The following CRB1 variants were observed in gnomAD, a reference collection of about 807,000 sequenced individuals.
The protein encoded by CRB1 is crumbs cell polarity complex component 1.
Under a neutral mutation model 120.0 loss-of-function variants are expected in CRB1, and 83 were observed. The observed-to-expected ratio is 0.69, with a 90% confidence interval of 0.58 to 0.83. CRB1 has a LOEUF of 0.83. CRB1 is among the 40% of genes least tolerant of loss of function. The pLI, the probability that CRB1 is intolerant of heterozygous loss-of-function variation, is 0.00. For synonymous variants in CRB1, 625 were observed against 612.5 expected, an observed-to-expected ratio of 1.02 and a Z score of -0.30; for missense variants, 1,699 against 1,687.6, an observed-to-expected ratio of 1.01 and a Z score of -0.12.
chr1:197,442,379 C>A (rs763861253), intron 11 of CRB1, 87 bp downstream of exon 11: 1 of 1,608,472 alleles, frequency 6.2e-7, no homozygotes, highest in Non-Finnish European at 8.5e-7. Flanking sequence ...GTATGAATGA[C>A]GAGCCAGTTG....
At position 197,309,934 on chromosome 1, in the gene CRB1, G is replaced by T. The variant is rs181104081; in HGVS notation, c.71-18488G>T. Among the ~76,000 whole-genome samples, 112 of 152,192 alleles carry T rather than the reference G, an allele frequency of 7.4e-4. 1 individual carries two copies. In the East Asian group the frequency reaches 0.021, roughly 29 times the overall value. ...CTTCTAGCACAATGGACACCTGCTG[G>T]ACTAACAATATGTTTATACAAGGAA... On this transcript the variant is annotated intron_variant, in intron 1 of 11. Coordinates refer to ENST00000367400, the MANE Select transcript of CRB1 (RefSeq NM_201253.3).
chr1:197,274,101 C>G (rs1298712770), intron 1 of CRB1, among the ~76,000 whole-genome samples: 2 of 152,064 alleles, frequency 1.3e-5, no homozygotes, highest in Non-Finnish European at 2.9e-5. Flanking sequence ...ATTGATGCCT[C>G]TAACTCCATT....
chr1:197,368,315 C>T (rs541733284), intron 5 of CRB1, among the ~76,000 whole-genome samples: 1 of 152,242 alleles, frequency 6.6e-6, no homozygotes, highest in African/African-American at 2.4e-5. Context: ...TGAAACTTTG[C>T]TTCTATCCTC....
chr1:197,426,853 G>T (rs1468641710), intron 6 of CRB1, among the ~76,000 whole-genome samples: 1 of 152,098 alleles, frequency 6.6e-6, no homozygotes, highest in East Asian at 1.9e-4. Flanking sequence ...GTTATTTACA[G>T]ACTAAAAACC....
intron 1 of CRB1, among the ~76,000 whole-genome samples, chr1:197,326,740 A>G (rs938256498): frequency 2.0e-5 from 3 of 152,084 alleles, no homozygotes; most frequent in Non-Finnish European, 2.9e-5. Flanking sequence ...ATTCAATTTC[A>G]TAATTATTTT....
At chr1:197,225,868 G>A in the CRB1 span, among the ~76,000 whole-genome samples, 13 of 152,194 alleles carry the variant, frequency 8.5e-5, no homozygotes, top group Admixed American at 6.5e-4. Context: ...TATCTTTTGA[G>A]CCTCGGTCCA....
chr1:197,223,162 T>A, the CRB1 span: 95 of 1,032,592 alleles, frequency 9.2e-5, 1 homozygote, highest in East Asian at 2.3e-3. Flanking sequence ...TGGCCCTGGC[T>A]GTGATTATCA....
intron 2 of CRB1, among the ~76,000 whole-genome samples, chr1:197,343,660 A>C (rs1659600086): frequency 6.6e-6 from 1 of 152,228 alleles, no homozygotes; most frequent in Non-Finnish European, 1.5e-5. Flanking sequence ...TATTTGTACA[A>C]TAGATTTTTT....
intron 1 of CRB1, among the ~76,000 whole-genome samples, chr1:197,295,533 A>G (rs963457510): frequency 2.2e-4 from 33 of 152,062 alleles, no homozygotes; most frequent in African/African-American, 4.8e-5. Context: ...GACACTCAAG[A>G]ACTTCACAGT....
At position 197,319,259 on chromosome 1, in the gene CRB1, T is replaced by TAAAAAAA. The variant is rs1284967148; in HGVS notation, c.71-9150_71-9144dup. Among the ~76,000 whole-genome samples, 104 of 49,046 alleles carry TAAAAAAA rather than the reference T, an allele frequency of 2.1e-3. 9 individuals are homozygous for TAAAAAAA. The highest frequency in any genetic ancestry group is 9.4e-3 in the Middle Eastern group (1 of 106). The allele number at this position is 49,046 out of a possible 152,430, so 32.2% of individuals were successfully genotyped here. ...CAACATAGTGAAACCCTGTCTCTAC[T>TAAAAAAA]AAAAAAAAAAAAAAAAAAATTAGCC... On this transcript the variant is annotated intron_variant, in intron 1 of 11. Transcript: ENST00000367400.
Position 197,421,829 on chromosome 1 carries a change from G to A in CRB1, c.2001G>A (p.Lys667=), listed in dbSNP as rs770779145. ...NISSGSSLNV[K]AGCVRKDWCE... ...CGTCTGGCTCATCATTAAATGTCAAGGCAGGCTGTGTGAGAAAGGATTGGT... is the reference window on the plus strand; with the variant it reads ...CGTCTGGCTCATCATTAAATGTCAAAGCAGGCTGTGTGAGAAAGGATTGGT... The change falls in exon 6 of 12, where the codon AAG becomes AAA. Residue 667 remains lysine (K), a synonymous_variant. Transcript: ENST00000367400. 1.2e-6 allele frequency: 2 copies of A among 1,614,054 alleles called. No homozygotes were observed. Among genetic ancestry groups the A allele is most frequent in the African/African-American group, 2.7e-5 (2 of 74,916 alleles).
the CRB1 span, among the ~76,000 whole-genome samples, chr1:197,261,003 A>C: frequency 3.0e-3 from 456 of 152,276 alleles, 1 homozygote; most frequent in African/African-American, 0.011. Flanking sequence ...CCTCTAAATA[A>C]AAATTTTTAA....
intron 5 of CRB1, among the ~76,000 whole-genome samples, chr1:197,358,458 T>C (rs1660600462): frequency 1.3e-5 from 2 of 152,226 alleles, no homozygotes; most frequent in Non-Finnish European, 2.9e-5. Context: ...CAGTAGAATG[T>C]TCCAGAAAAG....
At chr1:197,364,676 G>T (rs1193380949) in intron 5 of CRB1, among the ~76,000 whole-genome samples, 2 of 151,588 alleles carry the variant, frequency 1.3e-5, no homozygotes, top group African/African-American at 2.4e-5. Context: ...ATCTAGTATT[G>T]AGCCCATTCA....
At chr1:197,350,996 G>A (rs762188544) in intron 4 of CRB1, among the ~76,000 whole-genome samples, 7 of 151,816 alleles carry the variant, frequency 4.6e-5, no homozygotes, top group Non-Finnish European at 4.4e-5. Flanking sequence ...AATGAAGAAC[G>A]GAAGGAGAAG....
chr1:197,459,189 G>A (rs921471666), intron 11 of CRB1, among the ~76,000 whole-genome samples: 1 of 152,034 alleles, frequency 6.6e-6, no homozygotes, highest in Non-Finnish European at 1.5e-5. Flanking sequence ...GGATTCCCTC[G>A]ACCAAACTTT....
chr1:197,343,626 A>G (rs181973568), intron 2 of CRB1, among the ~76,000 whole-genome samples: 3 of 152,344 alleles, frequency 2.0e-5, no homozygotes, highest in Admixed American at 1.3e-4. Context: ...CAAAATGAGC[A>G]CTTAGATCAA....
intron 2 of CRB1, among the ~76,000 whole-genome samples, chr1:197,337,621 C>T (rs1306660243): frequency 6.6e-6 from 1 of 152,082 alleles, no homozygotes; most frequent in Non-Finnish European, 1.5e-5. Flanking sequence ...CTAATGAATA[C>T]CTATGGTATC....
intron 11 of CRB1, among the ~76,000 whole-genome samples, chr1:197,474,565 C>A (rs1475924849): frequency 2.0e-5 from 3 of 152,204 alleles, no homozygotes; most frequent in African/African-American, 7.2e-5. Flanking sequence ...ACTCGGGACC[C>A]ACCCCCATGA....
Sources: gnomAD v4.1 joint callset for allele counts (sites outside exome capture counted in the v4.1 genomes callset) on GRCh38, gnomAD v4.1.1 for gene constraint, MANE v1.5 for transcripts, NCBI Gene and HGNC (gene_info 2026-07-23, HGNC 2026-07-21) for gene names.